Variants in ZNF224 observed in about 807,000 individuals in gnomAD.
The protein encoded by ZNF224 is bone marrow zinc finger 2.
Under a neutral mutation model 10.5 loss-of-function variants are expected in ZNF224, and 8 were observed. The ratio of observed to expected loss-of-function variants is 0.76; its 90% CI spans 0.45 to 1.37. ZNF224 has a LOEUF of 1.37. Ranked by LOEUF, ZNF224 falls within the 40% of genes most tolerant of loss-of-function variation. ZNF224 has a pLI of 0.00. For missense variants in ZNF224, 754 were observed against 854.0 expected (o/e 0.88, Z 1.46); for synonymous variants, 282 against 287.8 (o/e 0.98, Z 0.20).
intron 2 of ZNF224, among the ~76,000 whole-genome samples, chr19:44,097,419 A>G (rs1306883150): frequency 2.6e-5 from 4 of 152,112 alleles, no homozygotes. Context: ...CTTCATTCTC[A>G]CTCAGATCTG....
Position 44,108,717 on chromosome 19 carries a change from G to A in ZNF224, c.*433G>A, listed in dbSNP as rs773321361. On this transcript the variant is annotated 3_prime_UTR_variant, in exon 6 of 6. Coordinates refer to ENST00000693561, the MANE Select transcript of ZNF224 (RefSeq NM_001321645.3). Reference sequence around the variant, plus strand: ...GTGTCTTTGCTGCTAAGTCGTCACAGCCTTAACATTGATTAGCACTTTGTA... The same window carrying A: ...GTGTCTTTGCTGCTAAGTCGTCACAACCTTAACATTGATTAGCACTTTGTA... 1 of 518,082 alleles carries A rather than the reference G, an allele frequency of 1.9e-6. No individual in the cohort carries two copies. Among genetic ancestry groups the A allele is most frequent in the Non-Finnish European group, 3.8e-6 (1 of 260,232 alleles). The allele number at this position is 518,082 out of a possible 1,614,324, so 32.1% of individuals were successfully genotyped here.
intron 5 of ZNF224, among the ~76,000 whole-genome samples, chr19:44,104,353 G>C (rs1294242011): frequency 6.6e-6 from 1 of 152,192 alleles, no homozygotes; most frequent in Non-Finnish European, 1.5e-5. Flanking sequence ...TAGAGCAAGA[G>C]TTTACAGAAG....
chr19:44,107,242 C>T lies in ZNF224; in HGVS notation c.1082C>T (p.Thr361Met), dbSNP rs779562207. Reference protein sequence around the residue: ...KGFICRRDLYTHHMVHTGEKP... With the variant: ...KGFICRRDLYMHHMVHTGEKP... ...TTTATTTGTAGGCGAGATCTTTATA[C>T]GCATCATATGGTCCACACGGGAGAA... Residue 361 changes from threonine to methionine, a missense_variant, in exon 6 of 6, where the codon ACG (threonine) becomes ATG (methionine). Coordinates refer to ENST00000693561, the MANE Select transcript of ZNF224 (RefSeq NM_001321645.3). The T allele has an allele frequency of 1.9e-5, 30 of 1,595,256 alleles. No homozygotes were observed. The highest frequency in any genetic ancestry group is 1.3e-4 in the East Asian group (6 of 44,764).
rs137958165 is a variant in ZNF224 at position 44,094,367 on chromosome 19, G to T, written c.-321G>T. The T allele has an allele frequency of 6.6e-6, 1 of 152,164 alleles. No individual in the cohort carries two copies. The highest frequency in any genetic ancestry group is 1.5e-5 in the Non-Finnish European group (1 of 68,100). 9.4% of individuals were successfully genotyped at this position (152,164 alleles called of 1,614,324 possible). A position where few individuals can be genotyped will look rare whatever the true frequency, so the allele number is the denominator to read the frequency against. On this transcript the variant is annotated 5_prime_UTR_variant, in exon 1 of 6. Transcript: ENST00000693561. ...TGGAGTCCAAACATTCGGTGGAGTC[G>T]CGGACACTTCCGCTCGGGGACTGAG...
intron 1 of ZNF224, chr19:44,095,110 A>C: frequency 4.3e-6 from 1 of 233,946 alleles, no homozygotes; most frequent in East Asian, 1.0e-4. Flanking sequence ...CGACCTTTCC[A>C]GAAGAGCTGC....
intron 3 of ZNF224, among the ~76,000 whole-genome samples, chr19:44,099,252 C>T (rs924884064): frequency 6.6e-6 from 1 of 152,134 alleles, no homozygotes; most frequent in African/African-American, 2.4e-5. Flanking sequence ...CCATGGCCCC[C>T]AGCACTTCAG....
Position 44,106,588 on chromosome 19 carries a change from C to A in ZNF224, c.428C>A (p.Thr143Lys), listed in dbSNP as rs1280080704. Residue 143 changes from threonine to lysine, a missense_variant, in exon 6 of 6, where the codon ACA becomes AAA. Physicochemically the swap from Thr to Lys is moderately conservative, Grantham distance 78. Coordinates refer to ENST00000693561, the MANE Select transcript of ZNF224 (RefSeq NM_001321645.3). ...QTEAGLSVIH[T>K]RQKSSQGNGY... ...GAGGCAGGACTATCTGTAATTCACACAAGACAGAAATCTTCCCAGGGCAAT... is the reference window on the plus strand; with the variant it reads ...GAGGCAGGACTATCTGTAATTCACAAAAGACAGAAATCTTCCCAGGGCAAT... The A allele has an allele frequency of 3.7e-6, 6 of 1,611,238 alleles. No individual in the cohort carries two copies. Among genetic ancestry groups the A allele is most frequent in the South Asian group, 1.1e-5 (1 of 90,590 alleles).
At chr19:44,100,763 G>C in intron 3 of ZNF224, 38 bp from the exon 4 acceptor site, 1 of 1,599,626 alleles carries the variant, frequency 6.3e-7, no homozygotes, top group South Asian at 1.1e-5. Context: ...AGGAATCATT[G>C]GTCATGAGAC....
In ZNF224 at chr19:44,107,537, G is replaced by A. The variant is rs773028523; in HGVS notation, c.1377G>A (p.Lys459=). The A allele has an allele frequency of 1.2e-6, 2 of 1,610,744 alleles. No individual in the cohort carries two copies. The highest frequency in any genetic ancestry group is 2.7e-5 in the African/African-American group (2 of 74,376). ...VHTGEKLYNC[K]ECGKSFSRAP... is the part of the protein sequence containing the mutation. Reference sequence around the variant, plus strand: ...CAGGAGAGAAACTGTATAATTGTAAGGAATGTGGGAAGAGCTTTAGTCGGG... The same window carrying A: ...CAGGAGAGAAACTGTATAATTGTAAAGAATGTGGGAAGAGCTTTAGTCGGG... The change falls in exon 6 of 6, where the codon AAG becomes AAA. Residue 459 remains lysine (K), a synonymous_variant. Transcript: ENST00000693561.
intron 5 of ZNF224, among the ~76,000 whole-genome samples, chr19:44,104,028 C>T (rs1967598165): frequency 6.6e-6 from 1 of 152,076 alleles, no homozygotes; most frequent in Admixed American, 6.6e-5. Flanking sequence ...CTAATATCCC[C>T]ACATGGAACC....
chr19:44,107,307 T>A lies in ZNF224; in HGVS notation c.1147T>A (p.Trp383Arg). ...TAAAGAGTGTGGGAAGAGCTTCAGA[T>A]GGGCCTCGTGTCTTTTGAAACATCA... ...NCKECGKSFRWASCLLKHQRV... is the reference protein window; with the variant it reads ...NCKECGKSFRRASCLLKHQRV... The change falls in exon 6 of 6, where the codon TGG (tryptophan) becomes AGG (arginine). Residue 383 changes from tryptophan (W) to arginine (R), a missense_variant. Transcript: ENST00000693561. 1 of 1,584,478 alleles carries A rather than the reference T, an allele frequency of 6.3e-7. No homozygotes were observed. The highest frequency in any genetic ancestry group is 8.6e-7 in the Non-Finnish European group (1 of 1,166,310).
Position 44,108,620 on chromosome 19 carries a change from TA to T in ZNF224, c.*338del, listed in dbSNP as rs1195092249. ...TTCAGGAGACAGGCCTTAGAAAGAG[TA>T]AGAGTTCATGAATTTACCAGACTAA... is the stretch of plus-strand genomic sequence containing the variant. On this transcript the variant is annotated 3_prime_UTR_variant, in exon 6 of 6. Transcript: ENST00000693561. 1 of 491,524 alleles carries T rather than the reference TA, an allele frequency of 2.0e-6. No homozygotes were observed. The highest frequency in any genetic ancestry group is 1.9e-5 in the African/African-American group (1 of 51,902). 30.4% of individuals were successfully genotyped at this position (491,524 alleles called of 1,614,324 possible). A position where few individuals can be genotyped will look rare whatever the true frequency, so the allele number is the denominator to read the frequency against.
rs773241876 is a variant in ZNF224, at chr19:44,107,229, C to T, written c.1069C>T (p.Arg357Ter). 17 of 1,599,084 alleles carry T rather than the reference C, an allele frequency of 1.1e-5. No homozygotes were observed. The highest frequency in any genetic ancestry group is 1.3e-5 in the African/African-American group (1 of 74,402). Residue 357 changes from arginine (R) to a stop codon, truncating the protein, a stop_gained, in exon 6 of 6, where the codon CGA (arginine) becomes TGA (stop). Transcript: ENST00000693561. LOFTEE classifies it low-confidence loss of function (END_TRUNC). ...EECGKGFICR[R>*]DLYTHHMVHT... is the part of the protein sequence containing the mutation. ...GTGTGGAAAAGGCTTTATTTGTAGGCGAGATCTTTATACGCATCATATGGT... is the reference window on the plus strand; with the variant it reads ...GTGTGGAAAAGGCTTTATTTGTAGGTGAGATCTTTATACGCATCATATGGT...
At chr19:44,104,843 T>C (rs766493770) in intron 5 of ZNF224, among the ~76,000 whole-genome samples, 1 of 152,180 alleles carries the variant, frequency 6.6e-6, no homozygotes, top group Middle Eastern at 3.2e-3. Context: ...TTTGTATTTT[T>C]AGTAGAGATG....
intron 1 of ZNF224, chr19:44,095,265 T>G (rs1305461003): frequency 5.6e-6 from 1 of 177,594 alleles, no homozygotes; most frequent in Non-Finnish European, 1.3e-5. Flanking sequence ...AATTAGTAAC[T>G]TCATTCTAAG....
chr19:44,097,853 T>G lies in ZNF224; in HGVS notation c.-21T>G. On this transcript the variant is annotated 5_prime_UTR_variant, in exon 3 of 6. Transcript: ENST00000693561. ...ACTGCATCACTCAGGACTCTGCAAG[T>G]TTCCAGAAGTAAGAGGGAAAATGAC... 1 of 1,613,924 alleles carries G rather than the reference T, an allele frequency of 6.2e-7. No homozygotes were observed. Among genetic ancestry groups the G allele is most frequent in the Non-Finnish European group, 8.5e-7 (1 of 1,179,940 alleles).
At chr19:44,106,150 TTC>T in intron 5 of ZNF224, 1 of 514,516 alleles carries the variant, frequency 1.9e-6, no homozygotes, top group South Asian at 2.3e-5. Context: ...TAAGCGTTTC[TTC>T]TCACCACACC....
At chr19:44,098,799 G>A (rs573174760) in intron 3 of ZNF224, among the ~76,000 whole-genome samples, 119 of 152,168 alleles carry the variant, frequency 7.8e-4, no homozygotes, top group African/African-American at 2.5e-3. Flanking sequence ...GGCTGGTCTC[G>A]AACTCCCGAC....
At position 44,107,051 on chromosome 19, in the gene ZNF224, C is replaced by T. The variant is rs1264601331; in HGVS notation, c.891C>T (p.Phe297=). The change falls in exon 6 of 6, where the codon TTC becomes TTT. Residue 297 remains phenylalanine (F), a synonymous_variant. Transcript: ENST00000693561. ...AATGTGATATATGTGGTAAGAGCTT[C>T]TGTGGTAGATCAAGACTTAATAGGC... ...PFKCDICGKS[F]CGRSRLNRHS... 1 of 1,602,476 alleles carries T rather than the reference C, an allele frequency of 6.2e-7. No individual in the cohort carries two copies. The highest frequency in any genetic ancestry group is 8.5e-7 in the Non-Finnish European group (1 of 1,173,426).
Sources: allele counts gnomAD v4.1 joint callset (sites outside exome capture counted in the v4.1 genomes callset), GRCh38; gene constraint gnomAD v4.1.1; transcripts MANE v1.5; gene names NCBI Gene and HGNC (gene_info 2026-07-23, HGNC 2026-07-21).